LDHB: variants seen among roughly 807,000 people sequenced by gnomAD.
The protein encoded by LDHB is L-lactate dehydrogenase B chain.
A neutral mutation model predicts 33.4 loss-of-function variants in LDHB; 18 were observed. The ratio of observed to expected loss-of-function variants is 0.54; its 90% CI spans 0.37 to 0.80. The LOEUF (loss-of-function observed/expected upper bound fraction) is 0.80. Ranked by LOEUF, LDHB falls within the 30% of genes least tolerant of loss-of-function variation. LDHB has a pLI of 0.00. For missense variants in LDHB, 345 were observed against 407.9 expected, an observed-to-expected ratio of 0.85 and a Z score of 1.33; for synonymous variants, 121 against 140.6, an observed-to-expected ratio of 0.86 and a Z score of 0.98.
chr12:21,652,037 C>T (rs1938703322), intron 2 of LDHB, among the ~76,000 whole-genome samples: 1 of 152,076 alleles, frequency 6.6e-6, no homozygotes, highest in Admixed American at 6.6e-5. Flanking sequence ...TTGAGTTGAG[C>T]CAAAGTGTTA....
chr12:21,637,265 T>G (rs1439996634), intron 6 of LDHB, 71 bp from the exon 7 acceptor site: 1 of 1,150,916 alleles, frequency 8.7e-7, no homozygotes, highest in East Asian at 2.3e-5. Context: ...TGACTTTGAC[T>G]ACTGCTCTGT....
At chr12:21,637,925 C>G (rs573596879) in intron 6 of LDHB, among the ~76,000 whole-genome samples, 1 of 151,470 alleles carries the variant, frequency 6.6e-6, no homozygotes, top group African/African-American at 2.4e-5. Context: ...TAAAATTGAA[C>G]AAAATGATTC....
Position 21,635,586 on chromosome 12 carries a change from C to A in LDHB, c.961G>T (p.Ala321Ser). The stretch of plus-strand genomic sequence containing the variant: ...TTCTGGATGTCCCACAGGGTATCTG[C>A]ACTTTTCTTGAGCTGAGCAACCTCA... ...DDEVAQLKKS[A>S]DTLWDIQKDL... Residue 321 changes from alanine (A) to serine (S), a missense_variant, in exon 8 of 8, where the codon GCA becomes TCA. Ala to Ser is a moderately conservative substitution (Grantham distance 99). Transcript: ENST00000350669. 6.2e-7 allele frequency: 1 copy of A among 1,612,798 alleles called. No individual in the cohort carries two copies. Among genetic ancestry groups the A allele is most frequent in the Non-Finnish European group, 8.5e-7 (1 of 1,179,952 alleles).
intron 5 of LDHB, 107 bp from the exon 6 acceptor site, chr12:21,638,577 C>T: frequency 1.3e-6 from 1 of 763,790 alleles, no homozygotes; most frequent in Non-Finnish European, 2.3e-6. Context: ...TACTGAATAC[C>T]AACTGGAACT....
At chr12:21,641,879 T>G in intron 5 of LDHB, 73 bp downstream of exon 5, 1 of 1,310,968 alleles carries the variant, frequency 7.6e-7, no homozygotes, top group Non-Finnish European at 1.1e-6. Context: ...AAAAATAAAA[T>G]TTGAAATAAA....
At chr12:21,651,989 C>G (rs1938702159) in intron 2 of LDHB, among the ~76,000 whole-genome samples, 1 of 152,178 alleles carries the variant, frequency 6.6e-6, no homozygotes, top group South Asian at 2.1e-4. Flanking sequence ...TCTGAAGAGT[C>G]CAACTGTGGT....
chr12:21,654,404 A>G (rs1796408294), intron 2 of LDHB, 139 bp downstream of exon 2: 1 of 741,940 alleles, frequency 1.3e-6, no homozygotes, highest in African/African-American at 1.8e-5. Context: ...TTGAAAGTGA[A>G]GTGGGATTAC....
At chr12:21,656,499 G>A (rs193238982) in intron 1 of LDHB, among the ~76,000 whole-genome samples, 16 of 152,272 alleles carry the variant, frequency 1.1e-4, no homozygotes, top group Admixed American at 3.9e-4. Flanking sequence ...GTTGTTAGAT[G>A]GTCTGTTTAC....
In LDHB at chr12:21,654,565, C is replaced by T. The variant is rs1938784003; in HGVS notation, c.107G>A (p.Cys36Tyr). Residue 36 changes from cysteine to tyrosine, a missense_variant, in exon 2 of 8, where the codon TGT becomes TAT. Cys to Tyr is a radical substitution (Grantham distance 194). Transcript: ENST00000350669. The part of the protein sequence containing the change: ...VVGVGQVGMA[C>Y]AISILGKSLA... ...TACCTTTCCCAGAATGCTGATAGCA[C>T]ACGCCATACCAACTTGTCCAACACC... The T allele has an allele frequency of 6.2e-7, 1 of 1,614,136 alleles. No homozygotes were observed. The highest frequency in any genetic ancestry group is 1.3e-5 in the African/African-American group (1 of 75,036).
chr12:21,644,491 A>C (rs1241087082), intron 3 of LDHB, among the ~76,000 whole-genome samples: 1 of 151,338 alleles, frequency 6.6e-6, no homozygotes, highest in Non-Finnish European at 1.5e-5. Context: ...TAAAAAGTTA[A>C]AATTTAGGAA....
chr12:21,647,072 C>T (rs1271001744), intron 2 of LDHB, 56 bp from the exon 3 acceptor site: 2 of 939,072 alleles, frequency 2.1e-6, no homozygotes, highest in Admixed American at 1.8e-5. Flanking sequence ...TGCGTCAGCT[C>T]ACAATCTAAC....
At chr12:21,652,964 T>C (rs1185270990) in intron 2 of LDHB, among the ~76,000 whole-genome samples, 3 of 152,226 alleles carry the variant, frequency 2.0e-5, no homozygotes, top group East Asian at 3.9e-4. Context: ...TTAGGGGTTA[T>C]TCAGGCAGCC....
At chr12:21,647,884 A>G (rs1038208320) in intron 2 of LDHB, among the ~76,000 whole-genome samples, 7 of 151,956 alleles carry the variant, frequency 4.6e-5, no homozygotes, top group Non-Finnish European at 8.8e-5. Flanking sequence ...TTTAGTAGAG[A>G]TGGGGTTTTG....
rs891165791 is a variant in LDHB at position 21,642,062 on chromosome 12, C to T, written c.485G>A (p.Ser162Asn). 6.2e-7 allele frequency: 1 copy of T among 1,613,558 alleles called. No individual in the cohort carries two copies. The highest frequency in any genetic ancestry group is 1.1e-5 in the South Asian group (1 of 91,066). ...TCTAGCAGAATCCAGATTACATCCA[C>T]TTCCAATCACGCGGTGTTTGGGTAA... ...SGLPKHRVIGSGCNLDSARFR... is the reference protein window; with the variant it reads ...SGLPKHRVIGNGCNLDSARFR... The change falls in exon 5 of 8, where the codon AGT becomes AAT. Residue 162 changes from serine to asparagine, a missense_variant. By Grantham distance (46) the Ser-to-Asn change is conservative. Coordinates refer to ENST00000350669, the MANE Select transcript of LDHB (RefSeq NM_002300.8).
chr12:21,651,640 A>G (rs1176638078), intron 2 of LDHB, among the ~76,000 whole-genome samples: 1 of 152,202 alleles, frequency 6.6e-6, no homozygotes, highest in Non-Finnish European at 1.5e-5. Flanking sequence ...ATAGATGACA[A>G]TATCCTCTGA....
At chr12:21,655,285 T>C (rs905239430) in intron 1 of LDHB, among the ~76,000 whole-genome samples, 1 of 152,202 alleles carries the variant, frequency 6.6e-6, no homozygotes, top group African/African-American at 2.4e-5. Context: ...CCTGTGAACA[T>C]TTGTTTAAAT....
intron 2 of LDHB, among the ~76,000 whole-genome samples, chr12:21,647,690 T>A (rs1938563540): frequency 6.6e-6 from 1 of 151,458 alleles, no homozygotes; most frequent in Non-Finnish European, 1.5e-5. Context: ...TGGAGTCATA[T>A]TTTTTTTTGA....
intron 2 of LDHB, among the ~76,000 whole-genome samples, chr12:21,652,352 G>A (rs1366752351): frequency 6.6e-6 from 1 of 152,190 alleles, no homozygotes; most frequent in Non-Finnish European, 1.5e-5. Context: ...GTGAGACTGT[G>A]GACAGGCTCT....
At chr12:21,640,203 A>C (rs2136963911) in intron 5 of LDHB, among the ~76,000 whole-genome samples, 1 of 151,460 alleles carries the variant, frequency 6.6e-6, no homozygotes, top group Admixed American at 6.6e-5. Flanking sequence ...TAATAAACAG[A>C]TTTAGATCTA....
Sources: allele counts gnomAD v4.1 joint callset (sites outside exome capture counted in the v4.1 genomes callset), GRCh38; gene constraint gnomAD v4.1.1; transcripts MANE v1.5; gene names NCBI Gene and HGNC (gene_info 2026-07-23, HGNC 2026-07-21).